The following NRXN1 variants were observed in gnomAD, a reference collection of about 807,000 sequenced individuals.
NRXN1 encodes the protein neurexin-1.
Under a neutral mutation model 150.9 loss-of-function variants are expected in NRXN1, and 39 were observed. The observed-to-expected ratio is 0.26, with a 90% CI of 0.20 to 0.34. The LOEUF is 0.34. NRXN1 is among the 10% of genes least tolerant of loss of function. The pLI is 1.00. For missense variants in NRXN1, 1,815 were observed against 1,949.9 expected (o/e 0.93, Z 1.30); for synonymous variants, 924 against 757.0 (o/e 1.22, Z -3.62).
intron 17 of NRXN1, among the ~76,000 whole-genome samples, chr2:50,338,828 A>G (rs1023764310): frequency 1.3e-5 from 2 of 152,222 alleles, no homozygotes; most frequent in Admixed American, 6.5e-5. Context: ...ATTTTTTAGA[A>G]CAGCATCACA....
intron 17 of NRXN1, among the ~76,000 whole-genome samples, chr2:50,440,992 G>A (rs975591814): frequency 2.6e-5 from 4 of 152,026 alleles, no homozygotes; most frequent in African/African-American, 7.2e-5. Flanking sequence ...TAGCTTTTTC[G>A]ATTAAAGAAA....
At chr2:50,040,933 G>A (rs957522591) in intron 21 of NRXN1, among the ~76,000 whole-genome samples, 1 of 151,844 alleles carries the variant, frequency 6.6e-6, no homozygotes, top group African/African-American at 2.4e-5. Context: ...TGTTACATAT[G>A]TAAACATGTG....
At chr2:51,011,811 C>T (rs542381756) in intron 2 of NRXN1, among the ~76,000 whole-genome samples, 27 of 151,986 alleles carry the variant, frequency 1.8e-4, no homozygotes, top group African/African-American at 6.0e-4. Context: ...AGGATCACTC[C>T]AGTAGTAGAG....
intron 5 of NRXN1, among the ~76,000 whole-genome samples, chr2:50,672,665 AAATG>A (rs1247871026): frequency 5.3e-5 from 8 of 152,064 alleles, no homozygotes; most frequent in Non-Finnish European, 1.2e-4. Flanking sequence ...AAAAGAGGCT[AAATG>A]AAGACAAAAT....
At chr2:50,427,550 C>T (rs974541812) in intron 17 of NRXN1, among the ~76,000 whole-genome samples, 1 of 152,246 alleles carries the variant, frequency 6.6e-6, no homozygotes, top group African/African-American at 2.4e-5. Flanking sequence ...AGGAGACATC[C>T]ACAAAGTGTG....
Position 50,404,500 on chromosome 2 carries a change from A to G in NRXN1, c.3364+60942T>C, listed in dbSNP as rs747032621. 2.6e-5 allele frequency among the ~76,000 whole-genome samples: 4 copies of G among 152,076 alleles called. 1 individual carries two copies. The highest frequency in any genetic ancestry group is 6.4e-3 in the Middle Eastern group (2 of 314). ...GAACTTCATACAATTTAAGACACAA[A>G]GAGTTTTAGGGTTGAAGTGGGAGAT... On this transcript the variant is annotated intron_variant, in intron 17 of 22. Coordinates refer to ENST00000401669, the MANE Select transcript of NRXN1 (RefSeq NM_001330078.2).
intron 2 of NRXN1, among the ~76,000 whole-genome samples, chr2:51,001,706 T>C (rs186956225): frequency 6.6e-6 from 1 of 152,112 alleles, no homozygotes; most frequent in African/African-American, 2.4e-5. Context: ...AACTGTCTCA[T>C]TTCATTCTTG....
intron 2 of NRXN1, among the ~76,000 whole-genome samples, chr2:50,996,491 C>T (rs926577008): frequency 5.9e-4 from 89 of 152,026 alleles, no homozygotes; most frequent in Non-Finnish European, 7.4e-5. Context: ...ATTTATTTCT[C>T]ACATATTTAA....
intron 5 of NRXN1, among the ~76,000 whole-genome samples, chr2:50,645,831 A>G (rs1239425550): frequency 6.6e-6 from 1 of 151,992 alleles, no homozygotes; most frequent in African/African-American, 2.4e-5. Context: ...TGAATGTAAG[A>G]TCGAGAATAG....
chr2:50,250,426 C>G (rs1249283308), intron 17 of NRXN1, among the ~76,000 whole-genome samples: 2 of 131,240 alleles, frequency 1.5e-5, no homozygotes, highest in African/African-American at 5.8e-5. Context: ...TGGAAAGTCA[C>G]TTTTTAATAT....
intron 17 of NRXN1, among the ~76,000 whole-genome samples, chr2:50,322,909 T>A (rs2152975938): frequency 6.6e-6 from 1 of 152,294 alleles, no homozygotes; most frequent in Admixed American, 6.5e-5. Flanking sequence ...ATGATCTCTC[T>A]CCTAACTGTA....
rs953119102 is a variant in NRXN1, at chr2:49,918,750, A to G, written c.*3194T>C. Reference sequence around the variant, plus strand: ...TAAATCCAGAAAAAAGAGAGTCAACATTCTTCCTCTATAATATAAGGATGG... The same window carrying G: ...TAAATCCAGAAAAAAGAGAGTCAACGTTCTTCCTCTATAATATAAGGATGG... On this transcript the variant is annotated 3_prime_UTR_variant, in exon 23 of 23. Coordinates refer to ENST00000401669, the MANE Select transcript of NRXN1 (RefSeq NM_001330078.2). 9.9e-5 allele frequency: 15 copies of G among 152,170 alleles called. No homozygotes were observed. Among genetic ancestry groups the G allele is most frequent in the African/African-American group, 1.9e-4 (8 of 41,454 alleles). 9.4% of individuals were successfully genotyped at this position (152,170 alleles called of 1,614,324 possible).
At chr2:50,405,623 T>C (rs1480518388) in intron 17 of NRXN1, among the ~76,000 whole-genome samples, 2 of 152,130 alleles carry the variant, frequency 1.3e-5, no homozygotes, top group South Asian at 4.1e-4. Flanking sequence ...CCTTTATGCA[T>C]CCTTTCTTCA....
rs73930358 is a variant in NRXN1, at chr2:50,385,625, T to C, written c.3364+79817A>G. ...TGCACACTACCACCACTTTGATTTC[T>C]ATCACAGCTGATTCCCTTTCTAGGA... On this transcript the variant is annotated intron_variant, in intron 17 of 22. Coordinates refer to ENST00000401669, the MANE Select transcript of NRXN1 (RefSeq NM_001330078.2). Among the ~76,000 whole-genome samples the C allele has an allele frequency of 4.9e-3, 748 of 152,320 alleles. 9 individuals are homozygous for C. Among genetic ancestry groups the C allele is most frequent in the African/African-American group, 0.017 (719 of 41,578 alleles).
chr2:50,253,577 A>G (rs1221486122), intron 17 of NRXN1, among the ~76,000 whole-genome samples: 1 of 152,092 alleles, frequency 6.6e-6, no homozygotes, highest in African/African-American at 2.4e-5. Flanking sequence ...TGATTTTGAG[A>G]TATGTTACAT....
At chr2:50,870,550 T>G (rs1191549207) in intron 5 of NRXN1, among the ~76,000 whole-genome samples, 1 of 151,966 alleles carries the variant, frequency 6.6e-6, no homozygotes, top group Non-Finnish European at 1.5e-5. Flanking sequence ...ACTATTCTTT[T>G]GCATAAATCT....
intron 17 of NRXN1, among the ~76,000 whole-genome samples, chr2:50,287,464 T>G (rs1222000608): frequency 6.6e-6 from 1 of 152,160 alleles, no homozygotes; most frequent in African/African-American, 2.4e-5. Flanking sequence ...GTTTTTTAGA[T>G]ATATTTAAAG....
chr2:50,263,755 T>C (rs2068553290), intron 17 of NRXN1, among the ~76,000 whole-genome samples: 1 of 152,150 alleles, frequency 6.6e-6, no homozygotes, highest in Non-Finnish European at 1.5e-5. Flanking sequence ...AAGCTGTCTG[T>C]GCCTTCCATC....
intron 18 of NRXN1, among the ~76,000 whole-genome samples, chr2:50,131,849 T>G (rs183061534): frequency 6.6e-6 from 1 of 152,106 alleles, no homozygotes; most frequent in African/African-American, 2.4e-5. Context: ...TAGGTAGTGG[T>G]TATCCTACTG....
Sources: gnomAD v4.1 joint callset for allele counts (sites outside exome capture counted in the v4.1 genomes callset) on GRCh38, gnomAD v4.1.1 for gene constraint, MANE v1.5 for transcripts, NCBI Gene and HGNC (gene_info 2026-07-23, HGNC 2026-07-21) for gene names.